Variants in FAXC observed in about 807,000 individuals in gnomAD.
FAXC encodes failed axon connections homolog, metaxin like GST domain containing.
In FAXC, 10 loss-of-function variants were observed where a neutral mutation model predicts 41.9. The ratio of observed to expected loss-of-function variants is 0.24; its 90% CI spans 0.15 to 0.41. The LOEUF is 0.41. FAXC is among the 10% of genes least tolerant of loss of function. The pLI, the probability that FAXC is intolerant of heterozygous loss-of-function variation, is 1.00. For synonymous variants in FAXC, 183 were observed against 183.8 expected (o/e 1.00, Z 0.03); for missense variants, 399 against 510.9 (o/e 0.78, Z 2.11).
chr6:99,339,275 G>A (rs1459692502), intron 2 of FAXC, among the ~76,000 whole-genome samples: 4 of 152,188 alleles, frequency 2.6e-5, no homozygotes, highest in Non-Finnish European at 4.4e-5. Context: ...GGTGAACCCC[G>A]GAGCTGCAGG....
intron 3 of FAXC, among the ~76,000 whole-genome samples, chr6:99,331,875 G>A (rs992156735): frequency 6.6e-6 from 1 of 152,222 alleles, no homozygotes; most frequent in Non-Finnish European, 1.5e-5. Flanking sequence ...TTTCCTGGAA[G>A]CTATGCATGT....
At chr6:99,286,536 T>C (rs968443605) in intron 5 of FAXC, among the ~76,000 whole-genome samples, 3 of 152,226 alleles carry the variant, frequency 2.0e-5, no homozygotes, top group African/African-American at 7.2e-5. Context: ...CTGGTGAAAG[T>C]TGCTGAATGA....
intron 3 of FAXC, among the ~76,000 whole-genome samples, chr6:99,326,897 T>A (rs1434155916): frequency 6.6e-6 from 1 of 151,450 alleles, no homozygotes; most frequent in Non-Finnish European, 1.5e-5. Flanking sequence ...GTGTAGAGAG[T>A]TTTAGCAGTA....
intron 4 of FAXC, among the ~76,000 whole-genome samples, chr6:99,299,361 T>C (rs891590251): frequency 2.6e-5 from 4 of 152,158 alleles, no homozygotes; most frequent in Admixed American, 2.6e-4. Context: ...GGCTGTGCTA[T>C]AAAATATAAG....
intron 3 of FAXC, among the ~76,000 whole-genome samples, chr6:99,327,203 T>C (rs1391428668): frequency 6.6e-6 from 1 of 152,196 alleles, no homozygotes; most frequent in Non-Finnish European, 1.5e-5. Flanking sequence ...GGCAGGTCTT[T>C]AAGGGTTGAG....
chr6:99,337,041 G>A (rs1026749008), intron 2 of FAXC, among the ~76,000 whole-genome samples: 4 of 152,212 alleles, frequency 2.6e-5, no homozygotes, highest in African/African-American at 9.7e-5. Context: ...TAGTTTTGAA[G>A]AAGAATGTCC....
intron 4 of FAXC, among the ~76,000 whole-genome samples, chr6:99,315,874 C>T (rs1021290438): frequency 1.3e-5 from 2 of 152,170 alleles, no homozygotes; most frequent in Non-Finnish European, 2.9e-5. Context: ...ACAACTGAAA[C>T]TGTATTTTTC....
At chr6:99,310,014 C>A in intron 4 of FAXC, 1 of 398,312 alleles carries the variant, frequency 2.5e-6, no homozygotes, top group Non-Finnish European at 3.4e-6. Context: ...CCCTTCTGAA[C>A]CCCATCTGGC....
chr6:99,315,691 C>T (rs1395627565), intron 4 of FAXC, among the ~76,000 whole-genome samples: 2 of 152,230 alleles, frequency 1.3e-5, no homozygotes, highest in Admixed American at 6.5e-5. Context: ...ATCCTACTTA[C>T]TCTTAAATAC....
intron 3 of FAXC, among the ~76,000 whole-genome samples, chr6:99,326,765 A>G (rs1278805059): frequency 6.6e-6 from 1 of 152,234 alleles, no homozygotes; most frequent in African/African-American, 2.4e-5. Context: ...TCTGCGCTTC[A>G]GAAAGAGAGA....
chr6:99,292,376 A>G (rs964997229), intron 4 of FAXC, among the ~76,000 whole-genome samples: 1 of 152,236 alleles, frequency 6.6e-6, no homozygotes, highest in Non-Finnish European at 1.5e-5. Context: ...ATAAGTAAAG[A>G]GTAGCTATGA....
At chr6:99,317,853 C>G (rs574156581) in intron 4 of FAXC, among the ~76,000 whole-genome samples, 1 of 152,196 alleles carries the variant, frequency 6.6e-6, no homozygotes, top group Non-Finnish European at 1.5e-5. Flanking sequence ...GGCCTGATAA[C>G]AGAAATACTA....
rs1011323104 is a variant in FAXC, at chr6:99,271,668, C to T, written c.*9496G>A. On this transcript the variant is annotated 3_prime_UTR_variant, in exon 6 of 6. Transcript: ENST00000389677. ...AAAACACTTCTGGTCCCAAGCACTTCAGATAAGAGATACTCAATCAGTATT... is the reference window on the plus strand; with the variant it reads ...AAAACACTTCTGGTCCCAAGCACTTTAGATAAGAGATACTCAATCAGTATT... 1 of 152,152 alleles carries T rather than the reference C, an allele frequency of 6.6e-6. No homozygotes were observed. Among genetic ancestry groups the T allele is most frequent in the African/African-American group, 2.4e-5 (1 of 41,432 alleles). 9.4% of individuals were successfully genotyped at this position (152,152 alleles called of 1,614,324 possible). A position where few individuals can be genotyped will look rare whatever the true frequency, so the allele number is the denominator to read the frequency against.
chr6:99,313,584 T>C lies in FAXC; in HGVS notation c.823+9860A>G, dbSNP rs540421878. 1.2e-4 allele frequency among the ~76,000 whole-genome samples: 19 copies of C among 152,358 alleles called. 1 individual carries two copies. The highest frequency in any genetic ancestry group is 4.3e-4 in the African/African-American group (18 of 41,594). On this transcript the variant is annotated intron_variant, in intron 4 of 5. Transcript: ENST00000389677. ...ATCAAGCAATTCAACTTTTCTTTTA[T>C]AGTTTCACCCTATGGCACCATGTTT...
At chr6:99,302,092 T>C (rs552408847) in intron 4 of FAXC, among the ~76,000 whole-genome samples, 5 of 152,314 alleles carry the variant, frequency 3.3e-5, no homozygotes, top group Admixed American at 3.3e-4. Context: ...TTTGCAGTTA[T>C]CTCAAGGGTT....
At position 99,280,977 on chromosome 6, in the gene FAXC, G is replaced by A; in HGVS notation, c.*187C>T. 1.8e-6 allele frequency: 1 copy of A among 546,948 alleles called. No individual in the cohort carries two copies. The highest frequency in any genetic ancestry group is 3.3e-6 in the Non-Finnish European group (1 of 306,434). The allele number at this position is 546,948 out of a possible 1,614,324, so 33.9% of individuals were successfully genotyped here. ...ATTTTTTGCCTGTTTGTTTTCAATG[G>A]AGTCATCTGAATGGTTCTGTGTTTT... On this transcript the variant is annotated 3_prime_UTR_variant, in exon 6 of 6. Coordinates refer to ENST00000389677, the MANE Select transcript of FAXC (RefSeq NM_032511.4).
intron 4 of FAXC, among the ~76,000 whole-genome samples, chr6:99,311,438 G>A (rs189338459): frequency 9.2e-5 from 14 of 152,236 alleles, no homozygotes; most frequent in Admixed American, 3.9e-4. Context: ...AGCCAGGCAC[G>A]GTGGTGGGCA....
At chr6:99,288,367 G>GT (rs1771100123) in intron 5 of FAXC, among the ~76,000 whole-genome samples, 1 of 152,164 alleles carries the variant, frequency 6.6e-6, no homozygotes, top group African/African-American at 2.4e-5. Context: ...TATAGAGCAT[G>GT]TGAGTAGATG....
At chr6:99,333,248 G>C in intron 3 of FAXC, 103 bp downstream of exon 3, 1 of 1,007,838 alleles carries the variant, frequency 9.9e-7, no homozygotes, top group East Asian at 2.4e-5. Flanking sequence ...ATCCGAAACT[G>C]TTAAGGTAGA....
Sources: gnomAD v4.1 joint callset for allele counts (sites outside exome capture counted in the v4.1 genomes callset) on GRCh38, gnomAD v4.1.1 for gene constraint, MANE v1.5 for transcripts, NCBI Gene and HGNC (gene_info 2026-07-23, HGNC 2026-07-21) for gene names.